The following PACSIN1 variants were observed in gnomAD, a reference collection of about 807,000 sequenced individuals.
The protein encoded by PACSIN1 is protein kinase C and casein kinase substrate in neurons 1.
Under a neutral mutation model 59.5 loss-of-function variants are expected in PACSIN1, and 15 were observed. The ratio of observed to expected loss-of-function variants is 0.25; its 90% CI spans 0.17 to 0.39. The LOEUF (loss-of-function observed/expected upper bound fraction) is 0.39, where lower values mean the gene tolerates loss of function less well. PACSIN1 is among the 10% of genes least tolerant of loss of function. The probability of loss-of-function intolerance (pLI) is 1.00; values close to 1 mark genes in which losing one functional copy is unlikely to be tolerated. For missense variants in PACSIN1, 420 were observed against 580.2 expected (o/e 0.72, Z 2.84); for synonymous variants, 210 against 220.6 (o/e 0.95, Z 0.42).
chr6:34,495,453 C>CT (rs869095931), intron 1 of PACSIN1, among the ~76,000 whole-genome samples: 2,960 of 142,266 alleles, frequency 0.021, 36 homozygotes, highest in African/African-American at 0.041. Flanking sequence ...CAGGAATATC[C>CT]TTTTTTTTTT....
intron 1 of PACSIN1, among the ~76,000 whole-genome samples, chr6:34,496,919 A>C (rs1766954907): frequency 6.9e-6 from 1 of 144,504 alleles, no homozygotes; most frequent in African/African-American, 2.6e-5. Flanking sequence ...AGATAATGAT[A>C]TGCATCTCTT....
rs768256933 is a variant in PACSIN1 at position 34,524,749 on chromosome 6, C to T, written c.-63-1494C>T. On this transcript the variant is annotated intron_variant, in intron 1 of 9. Transcript: ENST00000244458. Reference sequence around the variant, plus strand: ...AGTAAATTCCTAGAAGTGGTGTTCCCGGGTGAAGGGTGTGTACCCCATAAT... The same window carrying T: ...AGTAAATTCCTAGAAGTGGTGTTCCTGGGTGAAGGGTGTGTACCCCATAAT... Among the ~76,000 whole-genome samples the T allele has an allele frequency of 3.3e-5, 5 of 152,302 alleles. No homozygotes were observed. In the East Asian group the frequency reaches 5.8e-4, roughly 18 times the overall value.
Position 34,528,624 on chromosome 6 carries a change from C to T in PACSIN1, c.221-18C>T. The T allele has an allele frequency of 6.3e-7, 1 of 1,589,180 alleles. No individual in the cohort carries two copies. The highest frequency in any genetic ancestry group is 8.6e-7 in the Non-Finnish European group (1 of 1,157,794). ...GCAGGGGCAATGAGGTTCTTGTGAC[C>T]TATTGCCATTCCCTCAGGCCCACAG... On this transcript the variant is annotated intron_variant, in intron 3 of 9. Coordinates refer to ENST00000244458, the MANE Select transcript of PACSIN1 (RefSeq NM_020804.5).
At chr6:34,528,516 C>T (rs1767528708) in intron 3 of PACSIN1, 126 bp from the exon 4 acceptor site, 2 of 739,836 alleles carry the variant, frequency 2.7e-6, no homozygotes, top group South Asian at 1.6e-5. Flanking sequence ...GATGGGGCCA[C>T]GTAGAGCAGA....
chr6:34,477,149 G>A (rs1462968189), intron 1 of PACSIN1, among the ~76,000 whole-genome samples: 1 of 152,138 alleles, frequency 6.6e-6, no homozygotes, highest in East Asian at 1.9e-4. Flanking sequence ...TCTGTTGGCA[G>A]AACTTCAGGA....
chr6:34,513,164 G>C (rs974195854), intron 1 of PACSIN1, among the ~76,000 whole-genome samples: 3 of 152,224 alleles, frequency 2.0e-5, no homozygotes, highest in Admixed American at 1.3e-4. Flanking sequence ...CCCCATTTCT[G>C]CATCTCAAGA....
chr6:34,527,988 C>T (rs1364522236), intron 3 of PACSIN1, among the ~76,000 whole-genome samples: 3 of 152,216 alleles, frequency 2.0e-5, no homozygotes, highest in East Asian at 1.9e-4. Context: ...ATGGCAATTG[C>T]GCTTGCTAGT....
rs768217879 is a variant in PACSIN1, at chr6:34,529,415, G to A, written c.475G>A (p.Ala159Thr). 10 of 1,614,140 alleles carry A rather than the reference G, an allele frequency of 6.2e-6. No individual in the cohort carries two copies. The highest frequency in any genetic ancestry group is 8.5e-6 in the Non-Finnish European group (10 of 1,180,024). ...CCCACAGCTGGAGGCAGCCAAGAAG[G>A]CCTACCATTTGGCTTGCAAAGAGGA... is the stretch of plus-strand genomic sequence containing the variant. ...KMKELEAAKK[A>T]YHLACKEEKL... Residue 159 changes from alanine (A) to threonine (T), a missense_variant, in exon 5 of 10, where the codon GCC (alanine) becomes ACC (threonine). Transcript: ENST00000244458. This position sits in a 1 kb window ranked among gnomAD's most constrained non-coding sequence, Gnocchi z 6.3.
At chr6:34,480,701 T>G (rs1013377948) in intron 1 of PACSIN1, among the ~76,000 whole-genome samples, 1 of 152,180 alleles carries the variant, frequency 6.6e-6, no homozygotes, top group Non-Finnish European at 1.5e-5. Context: ...GCTCTATATA[T>G]ATCCCCAGGT....
chr6:34,520,576 G>A (rs902840751), intron 1 of PACSIN1, among the ~76,000 whole-genome samples: 4 of 152,172 alleles, frequency 2.6e-5, no homozygotes, highest in Admixed American at 6.5e-5. Flanking sequence ...TCTAGAACAG[G>A]GAAGGCAACA....
At chr6:34,522,937 C>T (rs761305561) in intron 1 of PACSIN1, among the ~76,000 whole-genome samples, 17 of 152,314 alleles carry the variant, frequency 1.1e-4, no homozygotes, top group Non-Finnish European at 1.5e-4. Context: ...GGGTGGTGCC[C>T]GCCCACATTG....
intron 1 of PACSIN1, among the ~76,000 whole-genome samples, chr6:34,487,964 G>C (rs1295129992): frequency 2.6e-5 from 4 of 152,124 alleles, no homozygotes; most frequent in Non-Finnish European, 4.4e-5. Context: ...GCTTCTTCAG[G>C]GTCCTGGTTG....
At chr6:34,469,572 C>T (rs1014302482) in intron 1 of PACSIN1, among the ~76,000 whole-genome samples, 1 of 152,166 alleles carries the variant, frequency 6.6e-6, no homozygotes, top group Non-Finnish European at 1.5e-5. Flanking sequence ...AACAGGGTGC[C>T]CTGGGGCTAG....
chr6:34,512,954 A>T (rs902930444), intron 1 of PACSIN1, among the ~76,000 whole-genome samples: 8 of 152,190 alleles, frequency 5.3e-5, no homozygotes, highest in African/African-American at 1.7e-4. Flanking sequence ...TCAGTCCAGT[A>T]GCCTCACCAT....
Position 34,514,266 on chromosome 6 carries a change from C to A in PACSIN1, c.-63-11977C>A, listed in dbSNP as rs576067345. ...CCTGTGGGAGAAGTGTCGGAACTGG[C>A]ATCACAAGGTCTCGGTGCCGACAGC... On this transcript the variant is annotated intron_variant, in intron 1 of 9. Coordinates refer to ENST00000244458, the MANE Select transcript of PACSIN1 (RefSeq NM_020804.5). The surrounding 1 kb of genome is among the most constrained non-coding windows in gnomAD (Gnocchi z 4.4). Among the ~76,000 whole-genome samples, 1 of 151,926 alleles carries A rather than the reference C, an allele frequency of 6.6e-6. No individual in the cohort carries two copies. Among genetic ancestry groups the A allele is most frequent in the East Asian group, 1.9e-4 (1 of 5,142 alleles).
At chr6:34,466,507 G>A (rs1478729014) in intron 1 of PACSIN1, among the ~76,000 whole-genome samples, 2 of 152,196 alleles carry the variant, frequency 1.3e-5, no homozygotes, top group East Asian at 3.9e-4. Flanking sequence ...TCCCTTGGGG[G>A]AGCGAGCTGG....
At chr6:34,487,868 G>A (rs1766818547) in intron 1 of PACSIN1, among the ~76,000 whole-genome samples, 1 of 152,184 alleles carries the variant, frequency 6.6e-6, no homozygotes, top group South Asian at 2.1e-4. Context: ...CTGGGAAGGT[G>A]GCAAACCTAC....
intron 1 of PACSIN1, among the ~76,000 whole-genome samples, chr6:34,502,031 CA>C (rs55848755): frequency 0.043 from 2,864 of 67,162 alleles, 103 homozygotes; most frequent in Admixed American, 0.17. Context: ...GACTCTGTCT[CA>C]AAAAAAAAAA....
At chr6:34,490,735 T>C (rs751781454) in intron 1 of PACSIN1, among the ~76,000 whole-genome samples, 2 of 152,176 alleles carry the variant, frequency 1.3e-5, no homozygotes, top group Non-Finnish European at 2.9e-5. Flanking sequence ...AGACAGATAG[T>C]GAGTGGGTTT....
Sources: allele counts gnomAD v4.1 joint callset (sites outside exome capture counted in the v4.1 genomes callset), GRCh38; gene constraint gnomAD v4.1.1; non-coding constraint Gnocchi (gnomAD v3.1); transcripts MANE v1.5; gene names NCBI Gene and HGNC (gene_info 2026-07-23, HGNC 2026-07-21).